GEMIN4: variants seen among roughly 807,000 people sequenced by gnomAD.
GEMIN4 encodes the protein gem nuclear organelle associated protein 4.
Under a neutral mutation model 76.8 loss-of-function variants are expected in GEMIN4, and 59 were observed. The observed-to-expected ratio is 0.77, with a 90% CI of 0.62 to 0.95. The LOEUF is 0.95. Among genes scored for constraint, GEMIN4 ranks in the 40% least tolerant of loss-of-function variants. The probability of loss-of-function intolerance (pLI) is 0.00; values close to 1 mark genes in which losing one functional copy is unlikely to be tolerated. For missense variants in GEMIN4, 1,311 were observed against 1,318.9 expected (o/e 0.99, Z 0.09); for synonymous variants, 562 against 559.7 (o/e 1.00, Z -0.06).
Position 745,845 on chromosome 17 carries a change from A to G in GEMIN4, c.2198T>C (p.Leu733Pro), listed in dbSNP as rs1974379409. The change falls in exon 2 of 2, where the codon CTG becomes CCG. Residue 733 changes from leucine (L) to proline (P), a missense_variant. Coordinates refer to ENST00000319004, the MANE Select transcript of GEMIN4 (RefSeq NM_015721.3). The surrounding 1 kb of genome is among the most constrained non-coding windows in gnomAD (Gnocchi z 4.6). ...LDRKDLAIHI[L>P]ELLCEIVSAN... ...TGATACAATCTCACACAGGAGCTCC[A>G]GGATATGGATCGCTAGATCCTTCCT... is the stretch of plus-strand genomic sequence containing the variant. 1 of 1,612,994 alleles carries G rather than the reference A, an allele frequency of 6.2e-7. No homozygotes were observed. The highest frequency in any genetic ancestry group is 8.5e-7 in the Non-Finnish European group (1 of 1,179,826).
chr17:751,734 C>A (rs1048520679), intron 1 of GEMIN4: 7 of 217,668 alleles, frequency 3.2e-5, no homozygotes, highest in African/African-American at 1.4e-4. Flanking sequence ...GAGGAAACGT[C>A]ATGAGCGTAA....
chr17:751,786 C>T (rs1369526235), intron 1 of GEMIN4: 1 of 317,186 alleles, frequency 3.2e-6, no homozygotes, highest in Non-Finnish European at 5.8e-6. Context: ...AACGCAGCTG[C>T]CGTTCAGGAA....
chr17:749,882 C>T, intron 1 of GEMIN4: 1 of 990,304 alleles, frequency 1.0e-6, no homozygotes, highest in Non-Finnish European at 1.2e-6. Context: ...TCCTTCCAGT[C>T]AAAAACAAGG....
chr17:746,970 T>A lies in GEMIN4; in HGVS notation c.1073A>T (p.Asn358Ile). Residue 358 changes from asparagine (N) to isoleucine (I), a missense_variant, in exon 2 of 2, where the codon AAC (asparagine) becomes ATC (isoleucine). Transcript: ENST00000319004. The surrounding 1 kb of genome is among the most constrained non-coding windows in gnomAD (Gnocchi z 4.3). ...LCDSLTSFSQ[N>I]ATLYLNRTSL... The stretch of plus-strand genomic sequence containing the variant: ...GGTGCGGTTCAGGTAGAGCGTCGCG[T>A]TCTGGCTGAAGGAAGTCAGACTGTC... 1 of 1,613,282 alleles carries A rather than the reference T, an allele frequency of 6.2e-7. No individual in the cohort carries two copies. Among genetic ancestry groups the A allele is most frequent in the Non-Finnish European group, 8.5e-7 (1 of 1,179,772 alleles).
chr17:754,071 C>G (rs187968085), upstream of GEMIN4: 161 of 152,406 alleles, frequency 1.1e-3, no homozygotes, highest in African/African-American at 3.8e-3. Flanking sequence ...GTCAAAATCC[C>G]AGCCCCAGAA....
rs200228227 is a variant in GEMIN4 at position 746,816 on chromosome 17, G to A, written c.1227C>T (p.Ala409=). 1.8e-4 allele frequency: 297 copies of A among 1,613,762 alleles called. 1 individual carries two copies. The East Asian group carries it at 2.9e-3, about 16-fold the overall frequency. The change falls in exon 2 of 2, where the codon GCC becomes GCT. Residue 409 remains alanine (A), a synonymous_variant. Transcript: ENST00000319004. The surrounding 1 kb of genome is among the most constrained non-coding windows in gnomAD (Gnocchi z 4.3). ...LEDITASIAM[A]VIQQKMDRHM... ...GGCGGTCCATCTTCTGCTGGATGAC[G>A]GCCATGGCAATGGAAGCTGTGATAT...
rs1567773959 is a variant in GEMIN4 at position 744,894 on chromosome 17, G to GTTT, written c.3146_3148dup (p.Gln1049_Thr1050insLys). ...GAAGCTGCTCATCTTCTGCAACAGGGTTTGGCGCCGTTCTTCAGGGCCGAT... is the reference window on the plus strand; with the variant it reads ...GAAGCTGCTCATCTTCTGCAACAGGGTTTTTTGGCGCCGTTCTTCAGGGCCGAT... On this transcript the variant is annotated inframe_insertion, in exon 2 of 2. Coordinates refer to ENST00000319004, the MANE Select transcript of GEMIN4 (RefSeq NM_015721.3). 23 of 1,612,858 alleles carry GTTT rather than the reference G, an allele frequency of 1.4e-5. No homozygotes were observed. The highest frequency in any genetic ancestry group is 1.9e-5 in the Non-Finnish European group (23 of 1,179,674).
chr17:751,251 T>A (rs569462425), intron 1 of GEMIN4, among the ~76,000 whole-genome samples: 2 of 152,156 alleles, frequency 1.3e-5, no homozygotes, highest in Non-Finnish European at 2.9e-5. Context: ...GCTCTAGAGA[T>A]AAGGACACTG....
At chr17:750,181 T>TCCC (rs948190017) in intron 1 of GEMIN4, 2 of 154,650 alleles carry the variant, frequency 1.3e-5, no homozygotes, top group Non-Finnish European at 2.8e-5. Context: ...ACAGTGAGAC[T>TCCC]CCCCCTCCAT....
In GEMIN4 at chr17:745,906, G is replaced by A; in HGVS notation, c.2137C>T (p.Gln713Ter). 1 of 1,613,056 alleles carries A rather than the reference G, an allele frequency of 6.2e-7. No homozygotes were observed. Among genetic ancestry groups the A allele is most frequent in the Non-Finnish European group, 8.5e-7 (1 of 1,179,862 alleles). The change falls in exon 2 of 2, where the codon CAG (glutamine) becomes TAG (stop). Residue 713 changes from glutamine to a stop codon, truncating the protein, a stop_gained. Coordinates refer to ENST00000319004, the MANE Select transcript of GEMIN4 (RefSeq NM_015721.3). LOFTEE classifies it high-confidence loss of function. The surrounding 1 kb of genome is among the most constrained non-coding windows in gnomAD (Gnocchi z 4.6). The part of the protein sequence containing the change: ...QLLDRFSKYW[Q>*]LPKEKRCLSL... ...AGGCACCGCTTCTCCTTGGGAAGCT[G>A]CCAGTATTTGCTGAAGCGGTCCAAG... is the stretch of plus-strand genomic sequence containing the variant.
rs1416016804 is a variant in GEMIN4 at position 745,053 on chromosome 17, A to AC, written c.2989dup (p.Val997GlyfsTer3). On this transcript the variant is annotated frameshift_variant, in exon 2 of 2. Coordinates refer to ENST00000319004, the MANE Select transcript of GEMIN4 (RefSeq NM_015721.3). LOFTEE classifies it high-confidence loss of function. This position sits in a 1 kb window ranked among gnomAD's most constrained non-coding sequence, Gnocchi z 4.6. ...GGCTAAAACGTAGAGTGGCTCACAG[A>AC]CCTCCGGGTGGAGCATGGCCATGAT... The AC allele has an allele frequency of 6.2e-7, 1 of 1,613,598 alleles. No individual in the cohort carries two copies. Among genetic ancestry groups the AC allele is most frequent in the Non-Finnish European group, 8.5e-7 (1 of 1,179,842 alleles).
chr17:751,346 T>C (rs1260630919), intron 1 of GEMIN4, among the ~76,000 whole-genome samples: 2 of 152,126 alleles, frequency 1.3e-5, no homozygotes, highest in Admixed American at 6.5e-5. Context: ...CTCCAAGCCC[T>C]TAGAGCTCTG....
Position 746,497 on chromosome 17 carries a change from G to A in GEMIN4, c.1546C>T (p.Leu516=). The A allele has an allele frequency of 6.2e-7, 1 of 1,613,990 alleles. No homozygotes were observed. Among genetic ancestry groups the A allele is most frequent in the Non-Finnish European group, 8.5e-7 (1 of 1,179,900 alleles). The change falls in exon 2 of 2, where the codon CTG becomes TTG. Residue 516 remains leucine (L), a synonymous_variant. Transcript: ENST00000319004. The surrounding 1 kb of genome is among the most constrained non-coding windows in gnomAD (Gnocchi z 4.3). ...TCCTGAAAACCCTCCACATAAGCCA[G>A]CAACTTTTCAGAGAGGCCCTTTCGC... ...WGRKGLSEKL[L]AYVEGFQEDL...
At chr17:750,379 A>C (rs1904607069) in intron 1 of GEMIN4, among the ~76,000 whole-genome samples, 1 of 152,168 alleles carries the variant, frequency 6.6e-6, no homozygotes, top group African/African-American at 2.4e-5. Context: ...GCTATGATGG[A>C]TAAATGAGAT....
chr17:746,427 T>C lies in GEMIN4; in HGVS notation c.1616A>G (p.Glu539Gly). 1 of 1,613,980 alleles carries C rather than the reference T, an allele frequency of 6.2e-7. No individual in the cohort carries two copies. The highest frequency in any genetic ancestry group is 8.5e-7 in the Non-Finnish European group (1 of 1,179,888). Residue 539 changes from glutamate to glycine, a missense_variant, in exon 2 of 2, where the codon GAA becomes GGA. Coordinates refer to ENST00000319004, the MANE Select transcript of GEMIN4 (RefSeq NM_015721.3). The surrounding 1 kb of genome is among the most constrained non-coding windows in gnomAD (Gnocchi z 4.3). ...GGCCACAGCTTTTGCCAAGCCCTGTTCGGAGGCACTCTGAGTGAGCTGGTT... is the reference window on the plus strand; with the variant it reads ...GGCCACAGCTTTTGCCAAGCCCTGTCCGGAGGCACTCTGAGTGAGCTGGTT... Reference protein sequence around the residue: ...TFNQLTQSASEQGLAKAVASV... With the variant: ...TFNQLTQSASGQGLAKAVASV...
rs373624818 is a variant in GEMIN4 at position 746,398 on chromosome 17, C to A, written c.1645G>T (p.Val549Leu). The A allele has an allele frequency of 1.2e-6, 2 of 1,613,728 alleles. No homozygotes were observed. Among genetic ancestry groups the A allele is most frequent in the South Asian group, 2.2e-5 (2 of 91,074 alleles). The change falls in exon 2 of 2, where the codon GTG becomes TTG. Residue 549 changes from valine to leucine, a missense_variant. Physicochemically the swap from Val to Leu is conservative, Grantham distance 32 (BLOSUM62 1). Coordinates refer to ENST00000319004, the MANE Select transcript of GEMIN4 (RefSeq NM_015721.3). The surrounding 1 kb of genome is among the most constrained non-coding windows in gnomAD (Gnocchi z 4.3). ...EQGLAKAVAS[V>L]ARLVIVHPEV... ...GGGTGCACTATGACCAGGCGGGCCA[C>A]GGAGGCCACAGCTTTTGCCAAGCCC...
At chr17:749,946 T>C (rs143345324) in intron 1 of GEMIN4, 4 of 986,110 alleles carry the variant, frequency 4.1e-6, no homozygotes, top group East Asian at 1.1e-4. Flanking sequence ...CAGAAAATAC[T>C]GTGCTAGATT....
intron 1 of GEMIN4, chr17:748,340 G>T: frequency 3.1e-6 from 1 of 323,780 alleles, no homozygotes; most frequent in Non-Finnish European, 5.7e-6. Context: ...TCAAGGTACA[G>T]ATGTCCTCCA....
rs776892989 is a variant in GEMIN4, at chr17:745,935, T to C, written c.2108A>G (p.Gln703Arg). Residue 703 changes from glutamine (Q) to arginine (R), a missense_variant, in exon 2 of 2, where the codon CAG becomes CGG. Transcript: ENST00000319004. The surrounding 1 kb of genome is among the most constrained non-coding windows in gnomAD (Gnocchi z 4.6). ...SPFPLLFSLC[Q>R]LLDRFSKYWQ... ...GTATTTGCTGAAGCGGTCCAAGAGCTGGCACAAGCTGAAGAGGAGTGGAAA... is the reference window on the plus strand; with the variant it reads ...GTATTTGCTGAAGCGGTCCAAGAGCCGGCACAAGCTGAAGAGGAGTGGAAA... 1.6e-5 allele frequency: 26 copies of C among 1,612,986 alleles called. No individual in the cohort carries two copies. Among genetic ancestry groups the C allele is most frequent in the Non-Finnish European group, 2.2e-5 (26 of 1,179,848 alleles).
Sources: allele counts gnomAD v4.1 joint callset (sites outside exome capture counted in the v4.1 genomes callset), GRCh38; gene constraint gnomAD v4.1.1; non-coding constraint Gnocchi (gnomAD v3.1); transcripts MANE v1.5; gene names NCBI Gene and HGNC (gene_info 2026-07-23, HGNC 2026-07-21).